Variants in SORD observed in about 807,000 individuals in gnomAD.
The protein encoded by SORD is sorbitol dehydrogenase, also known as (R,R)-butanediol dehydrogenase.
In SORD, 18 loss-of-function variants were observed where a neutral mutation model predicts 35.6. The observed-to-expected ratio is 0.51, with a 90% CI of 0.35 to 0.75. SORD has a LOEUF of 0.75. Ranked by LOEUF, SORD falls within the 30% of genes least tolerant of loss-of-function variation. The probability of loss-of-function intolerance (pLI) is 0.01; values close to 1 mark genes in which losing one functional copy is unlikely to be tolerated. For synonymous variants in SORD, 106 were observed against 152.9 expected, an observed-to-expected ratio of 0.69 and a Z score of 2.26; for missense variants, 250 against 390.2, an observed-to-expected ratio of 0.64 and a Z score of 3.03.
chr15:45,025,411 G>C (rs1489137003), intron 1 of SORD, among the ~76,000 whole-genome samples: 2 of 152,110 alleles, frequency 1.3e-5, no homozygotes, highest in African/African-American at 4.8e-5. Context: ...GCCAAGGTAG[G>C]CAGATCGCTT....
rs1165829694 is a variant in SORD at position 45,038,122 on chromosome 15, T to TCCTC, written c.67-2282_67-2279dup. 1.5e-4 allele frequency among the ~76,000 whole-genome samples: 21 copies of TCCTC among 144,128 alleles called. No homozygotes were observed. In the East Asian group the frequency reaches 3.1e-3, roughly 22 times the overall value. 94.6% of individuals were successfully genotyped at this position (144,128 alleles called of 152,430 possible). The stretch of plus-strand genomic sequence containing the variant: ...AGACTGATTACTTCCTTCCCTCGCA[T>TCCTC]CCTCCCTTCCTTCCTTCCTTCCTTC... On this transcript the variant is annotated intron_variant, in intron 1 of 8. Coordinates refer to ENST00000267814, the MANE Select transcript of SORD (RefSeq NM_003104.6).
At chr15:45,034,492 T>A (rs1487888446) in intron 1 of SORD, among the ~76,000 whole-genome samples, 1 of 152,216 alleles carries the variant, frequency 6.6e-6, no homozygotes, top group Admixed American at 6.5e-5. Flanking sequence ...TTTAGGCTAA[T>A]GTAAAAAAAT....
In SORD at chr15:45,056,927, A is replaced by G. The variant is rs559270553; in HGVS notation, c.266-4140A>G. Among the ~76,000 whole-genome samples, 5 of 152,348 alleles carry G rather than the reference A, an allele frequency of 3.3e-5. No homozygotes were observed. In the East Asian group the frequency reaches 9.6e-4, roughly 29 times the overall value. ...CACTTACAAGGCTGTGGTAGAAACA[A>G]TTATCCCATGGATCCCACGTGTTAA... On this transcript the variant is annotated intron_variant, in intron 3 of 8. Coordinates refer to ENST00000267814, the MANE Select transcript of SORD (RefSeq NM_003104.6).
chr15:45,041,755 G>A (rs1892969229), intron 2 of SORD: 1 of 152,146 alleles, frequency 6.6e-6, no homozygotes, highest in Non-Finnish European at 1.5e-5. Flanking sequence ...TACAAGCTTG[G>A]CTCCTGGTAA....
chr15:45,044,370 C>T lies in SORD; in HGVS notation c.265+949C>T, dbSNP rs148157982. On this transcript the variant is annotated intron_variant, in intron 3 of 8. Transcript: ENST00000267814. ...CCACAATGAGCTCAGTCTTATGCCA[C>T]GAGCCCTGAGGGATATAGAAAAATG... Among the ~76,000 whole-genome samples, 21 of 151,884 alleles carry T rather than the reference C, an allele frequency of 1.4e-4. 1 individual carries two copies. Among genetic ancestry groups the T allele is most frequent in the East Asian group, 3.9e-4 (2 of 5,164 alleles).
chr15:45,037,754 GA>G (rs1892893186), intron 1 of SORD, among the ~76,000 whole-genome samples: 1 of 151,220 alleles, frequency 6.6e-6, no homozygotes, highest in Non-Finnish European at 1.5e-5. Flanking sequence ...TGAACAATGA[GA>G]ATACATGGAC....
At chr15:45,032,251 C>CA (rs1421073192) in intron 1 of SORD, among the ~76,000 whole-genome samples, 39 of 149,374 alleles carry the variant, frequency 2.6e-4, no homozygotes, top group Non-Finnish European at 7.4e-5. Flanking sequence ...ATATAGACAA[C>CA]AATATTGAAT....
chr15:45,073,594 G>A lies in SORD; in HGVS notation c.*64G>A, dbSNP rs139397987. 0.18 allele frequency: 252,804 copies of A among 1,424,446 alleles called. 3,441 individuals are homozygous for A. Among genetic ancestry groups the A allele is most frequent in the African/African-American group, 0.48 (28,603 of 59,812 alleles). 88.2% of individuals were successfully genotyped at this position (1,424,446 alleles called of 1,614,324 possible). On this transcript the variant is annotated 3_prime_UTR_variant, in exon 9 of 9. Coordinates refer to ENST00000267814, the MANE Select transcript of SORD (RefSeq NM_003104.6). ...TCTCAGGGCACAATGGCTGGACATG[G>A]GTGGGCTCTGATGCAGAACTTTCTC... is the stretch of plus-strand genomic sequence containing the variant.
At chr15:45,039,139 T>TA (rs1296715735) in intron 1 of SORD, among the ~76,000 whole-genome samples, 2 of 152,084 alleles carry the variant, frequency 1.3e-5, no homozygotes, top group Non-Finnish European at 2.9e-5. Flanking sequence ...CTCTTCCTTT[T>TA]TTTTTTTGAG....
chr15:45,057,313 A>AT (rs1009585922), intron 3 of SORD, among the ~76,000 whole-genome samples: 16 of 151,492 alleles, frequency 1.1e-4, no homozygotes, highest in East Asian at 3.9e-4. Flanking sequence ...TGCTTTTGTG[A>AT]TTTTTTTTTG....
At chr15:45,058,274 C>G (rs1307051582) in intron 3 of SORD, among the ~76,000 whole-genome samples, 1 of 152,166 alleles carries the variant, frequency 6.6e-6, no homozygotes, top group Non-Finnish European at 1.5e-5. Context: ...TGTCCCAGGA[C>G]CTCCTTCCAA....
At chr15:45,067,515 G>A (rs896108815) in intron 5 of SORD, among the ~76,000 whole-genome samples, 7 of 152,032 alleles carry the variant, frequency 4.6e-5, no homozygotes, top group African/African-American at 1.2e-4. Flanking sequence ...AATTGTTCTC[G>A]GGGTTGTGTA....
intron 3 of SORD, among the ~76,000 whole-genome samples, chr15:45,058,093 TACA>T (rs759104838): frequency 6.6e-6 from 1 of 152,150 alleles, no homozygotes; most frequent in Non-Finnish European, 1.5e-5. Flanking sequence ...CAGCATAGCA[TACA>T]AAGAAGGGAT....
chr15:45,056,932 C>G (rs528188302), intron 3 of SORD, among the ~76,000 whole-genome samples: 1 of 152,298 alleles, frequency 6.6e-6, no homozygotes, highest in South Asian at 2.1e-4. Flanking sequence ...AAACAATTAT[C>G]CCATGGATCC....
intron 1 of SORD, among the ~76,000 whole-genome samples, chr15:45,035,933 T>G (rs1892858242): frequency 6.7e-6 from 1 of 148,852 alleles, no homozygotes; most frequent in Admixed American, 6.7e-5. Flanking sequence ...AGGAACAAAC[T>G]CCGGACACGT....
At chr15:45,026,873 CT>C (rs35101733) in intron 1 of SORD, among the ~76,000 whole-genome samples, 35,657 of 151,288 alleles carry the variant, frequency 0.24, 538 homozygotes, top group African/African-American at 0.47. Flanking sequence ...GGAATGCGAC[CT>C]TAGTCCACTT....
intron 3 of SORD, among the ~76,000 whole-genome samples, chr15:45,057,331 C>A (rs766069349): frequency 1.3e-5 from 2 of 151,822 alleles, no homozygotes; most frequent in Admixed American, 1.3e-4. Flanking sequence ...TTGATACATG[C>A]CTAACATGCA....
chr15:45,026,991 A>AG (rs1274435541), intron 1 of SORD, among the ~76,000 whole-genome samples: 2 of 152,228 alleles, frequency 1.3e-5, no homozygotes, highest in African/African-American at 4.8e-5. Flanking sequence ...CACGGAACAA[A>AG]AAATTAAACT....
rs1350257274 is a variant in SORD, at chr15:45,072,309, C to G, written c.787-8C>G. 3.2e-6 allele frequency: 2 copies of G among 632,828 alleles called. No homozygotes were observed. Among genetic ancestry groups the G allele is most frequent in the Non-Finnish European group, 5.1e-6 (2 of 391,688 alleles). 39.2% of individuals were successfully genotyped at this position (632,828 alleles called of 1,614,324 possible). Reference sequence around the variant, plus strand: ...TTCTGAGCTTTCTTGTTTTTACCTCCTTTACAGGCCACTCGCTCTGGTGGG... The same window carrying G: ...TTCTGAGCTTTCTTGTTTTTACCTCGTTTACAGGCCACTCGCTCTGGTGGG... On this transcript the variant is annotated splice_polypyrimidine_tract_variant and splice_region_variant and intron_variant, in intron 7 of 8. Transcript: ENST00000267814.
Sources: allele counts gnomAD v4.1 joint callset (sites outside exome capture counted in the v4.1 genomes callset), GRCh38; gene constraint gnomAD v4.1.1; transcripts MANE v1.5; gene names NCBI Gene and HGNC (gene_info 2026-07-23, HGNC 2026-07-21).